EPYC: variants seen among roughly 807,000 people sequenced by gnomAD.
The protein encoded by EPYC is epiphycan, also known as dermatan sulfate proteoglycan 3.
A neutral mutation model predicts 30.1 loss-of-function variants in EPYC; 28 were observed. The observed-to-expected ratio is 0.93, with a 90% CI of 0.69 to 1.28. The LOEUF is 1.28. Ranked by LOEUF, EPYC falls within the 50% of genes most tolerant of loss-of-function variation. The pLI is 0.00. For synonymous variants in EPYC, 144 were observed against 141.4 expected, an observed-to-expected ratio of 1.02 and a Z score of -0.13; for missense variants, 382 against 383.5, an observed-to-expected ratio of 1.00 and a Z score of 0.03.
At position 90,968,801 on chromosome 12, in the gene EPYC, C is replaced by G. The variant is rs933584070; in HGVS notation, c.798+1243G>C. On this transcript the variant is annotated intron_variant, in intron 6 of 6. Coordinates refer to ENST00000261172, the MANE Select transcript of EPYC (RefSeq NM_004950.5). ...AATTGGAAAACACATTCTAAAATCT[C>G]TAAGTACTCCCTTGGAAATCTTTCC... Among the ~76,000 whole-genome samples the G allele has an allele frequency of 5.3e-5, 8 of 152,006 alleles. No homozygotes were observed. The East Asian group carries it at 1.4e-3, about 26-fold the overall frequency.
At chr12:90,981,683 G>A (rs1438982045) in intron 2 of EPYC, among the ~76,000 whole-genome samples, 1 of 151,888 alleles carries the variant, frequency 6.6e-6, no homozygotes, top group East Asian at 1.9e-4. Context: ...TGAAAAACTG[G>A]TGTGTTCAGA....
In EPYC at chr12:91,002,415, C is replaced by G. The variant is rs367913137; in HGVS notation, c.151G>C (p.Val51Leu). The change falls in exon 2 of 7, where the codon GTT (valine) becomes CTT (leucine). Residue 51 changes from valine (V) to leucine (L), a missense_variant. Physicochemically the swap from Val to Leu is conservative, Grantham distance 32 (BLOSUM62 1). Transcript: ENST00000261172. ...DNLYNYENIP[V>L]DKVEIEIATV... ...GGATCGATTACCTCAACTTTATCAA[C>G]AGGTATGTTTTCATAGTTGTACAAA... 5 of 1,611,314 alleles carry G rather than the reference C, an allele frequency of 3.1e-6. No individual in the cohort carries two copies. The African/African-American group carries it at 6.7e-5, about 22-fold the overall frequency.
At chr12:90,975,992 T>A (rs1432667054) in intron 3 of EPYC, among the ~76,000 whole-genome samples, 1 of 152,118 alleles carries the variant, frequency 6.6e-6, no homozygotes, top group African/African-American at 2.4e-5. Flanking sequence ...TTCTTATTTT[T>A]AAAAATGGGT....
Position 90,964,298 on chromosome 12 carries a change from T to C in EPYC, c.827A>G (p.Asp276Gly), listed in dbSNP as rs2120785963. ...QNNNILEMHEDTFCNVKNLTY... is the reference protein window; with the variant it reads ...QNNNILEMHEGTFCNVKNLTY... The stretch of plus-strand genomic sequence containing the variant: ...CAAATTTTTAACATTGCAGAACGTA[T>C]CTTCGTGCATTTCCAGAATGTTGTT... Residue 276 changes from aspartate to glycine, a missense_variant, in exon 7 of 7, where the codon GAT (aspartate) becomes GGT (glycine). Coordinates refer to ENST00000261172, the MANE Select transcript of EPYC (RefSeq NM_004950.5). The C allele has an allele frequency of 1.2e-6, 2 of 1,608,952 alleles. No homozygotes were observed. Among genetic ancestry groups the C allele is most frequent in the East Asian group, 4.5e-5 (2 of 44,798 alleles).
intron 2 of EPYC, among the ~76,000 whole-genome samples, chr12:90,996,141 C>CTT (rs1253729627): frequency 1.3e-5 from 2 of 151,810 alleles, no homozygotes; most frequent in Admixed American, 6.6e-5. Context: ...AATATAAGTA[C>CTT]TTTGTGTTCA....
intron 2 of EPYC, among the ~76,000 whole-genome samples, chr12:90,987,390 G>C (rs530519146): frequency 6.7e-6 from 1 of 149,838 alleles, no homozygotes; most frequent in African/African-American, 2.4e-5. Flanking sequence ...TATACTCTTA[G>C]TCTGTAAGGG....
At chr12:90,997,672 G>A (rs1877725665) in intron 2 of EPYC, among the ~76,000 whole-genome samples, 1 of 151,992 alleles carries the variant, frequency 6.6e-6, no homozygotes, top group African/African-American at 2.4e-5. Context: ...TCCTAGACTA[G>A]TAAATATGTG....
chr12:90,994,166 A>G (rs922461338), intron 2 of EPYC, among the ~76,000 whole-genome samples: 2 of 152,130 alleles, frequency 1.3e-5, no homozygotes, highest in African/African-American at 2.4e-5. Flanking sequence ...TCTCAGCAAA[A>G]GATTGGTAAG....
At position 90,999,742 on chromosome 12, in the gene EPYC, C is replaced by T. The variant is rs115685702; in HGVS notation, c.165+2659G>A. Among the ~76,000 whole-genome samples the T allele has an allele frequency of 3.0e-3, 461 of 152,182 alleles. 4 individuals carry two copies. Among genetic ancestry groups the T allele is most frequent in the African/African-American group, 0.011 (445 of 41,572 alleles). On this transcript the variant is annotated intron_variant, in intron 2 of 6. Coordinates refer to ENST00000261172, the MANE Select transcript of EPYC (RefSeq NM_004950.5). ...TCATGTCATGAGTAACTCTATTAAT[C>T]TATTCACATGACTGGATCTATCATC...
chr12:90,987,247 C>T (rs1225861099), intron 2 of EPYC, among the ~76,000 whole-genome samples: 1 of 151,870 alleles, frequency 6.6e-6, no homozygotes, highest in East Asian at 1.9e-4. Context: ...TTCCAAACCC[C>T]TCCCCAACCA....
At chr12:90,993,823 G>A (rs1877640416) in intron 2 of EPYC, among the ~76,000 whole-genome samples, 1 of 151,772 alleles carries the variant, frequency 6.6e-6, no homozygotes, top group Non-Finnish European at 1.5e-5. Context: ...GTTAATTTGT[G>A]TGCATATTAT....
Position 90,972,932 on chromosome 12 carries a change from C to A in EPYC, c.389G>T (p.Cys130Phe). 1 of 1,612,548 alleles carries A rather than the reference C, an allele frequency of 6.2e-7. No homozygotes were observed. The highest frequency in any genetic ancestry group is 8.5e-7 in the Non-Finnish European group (1 of 1,178,718). ...AATAGCATCAAGTTCATGGTCATCA[C>A]AGTACACGGTGGTACTTATACAAGT... ...LCTCISTTVY[C>F]DDHELDAIPP... The change falls in exon 4 of 7, where the codon TGT (cysteine) becomes TTT (phenylalanine). Residue 130 changes from cysteine (C) to phenylalanine (F), a missense_variant. Physicochemically the swap from Cys to Phe is radical, Grantham distance 205. Coordinates refer to ENST00000261172, the MANE Select transcript of EPYC (RefSeq NM_004950.5).
intron 2 of EPYC, among the ~76,000 whole-genome samples, chr12:90,985,263 G>T (rs927046187): frequency 8.5e-5 from 13 of 152,228 alleles, no homozygotes; most frequent in African/African-American, 2.9e-4. Context: ...CCATAACTCA[G>T]GGAAAGGAAG....
At chr12:91,000,939 C>A (rs117866268) in intron 2 of EPYC, among the ~76,000 whole-genome samples, 1,625 of 152,086 alleles carry the variant, frequency 0.011, 26 homozygotes, top group East Asian at 0.059. Context: ...TTGTTATCAA[C>A]CATAAATTCT....
chr12:90,969,616 A>G (rs975864347), intron 6 of EPYC, among the ~76,000 whole-genome samples: 2 of 151,614 alleles, frequency 1.3e-5, no homozygotes, highest in African/African-American at 4.8e-5. Context: ...ATTTAATTCA[A>G]TACATAAAAC....
At position 90,964,060 on chromosome 12, in the gene EPYC, ACAATCT is replaced by A; in HGVS notation, c.*90_*95del. 1 of 965,190 alleles carries A rather than the reference ACAATCT, an allele frequency of 1.0e-6. No individual in the cohort carries two copies. The highest frequency in any genetic ancestry group is 2.1e-5 in the South Asian group (1 of 47,912). The allele number at this position is 965,190 out of a possible 1,614,324, so 59.8% of individuals were successfully genotyped here. A position where few individuals can be genotyped will look rare whatever the true frequency, so the allele number is the denominator to read the frequency against. On this transcript the variant is annotated 3_prime_UTR_variant, in exon 7 of 7. Transcript: ENST00000261172. ...ATGTAGTCATATCATCTCTCAGAAC[ACAATCT>A]CAAAGTATCATGCTGAGTTTTGTTT...
rs755125705 is a variant in EPYC at position 90,994,349 on chromosome 12, G to C, written c.165+8052C>G. On this transcript the variant is annotated intron_variant, in intron 2 of 6. Coordinates refer to ENST00000261172, the MANE Select transcript of EPYC (RefSeq NM_004950.5). ...TTTATTAAACATTTGCTATGTACCA[G>C]GTTCTGTATTAAACAGCTAACATGT... is the stretch of plus-strand genomic sequence containing the variant. Among the ~76,000 whole-genome samples, 5 of 152,130 alleles carry C rather than the reference G, an allele frequency of 3.3e-5. No individual in the cohort carries two copies. The South Asian group carries it at 8.3e-4, about 25-fold the overall frequency.
At chr12:91,002,653 A>C in intron 1 of EPYC, 75 bp from the exon 2 acceptor site, 5 of 1,163,318 alleles carry the variant, frequency 4.3e-6, no homozygotes, top group Non-Finnish European at 6.0e-6. Flanking sequence ...TAGAAATGAT[A>C]AATTAGTGTC....
In EPYC at chr12:90,970,162, A is replaced by ATT. The variant is rs1255405529; in HGVS notation, c.703-24_703-23insAA. 3.9e-6 allele frequency: 6 copies of ATT among 1,536,906 alleles called. No homozygotes were observed. In the African/African-American group the frequency reaches 8.4e-5, roughly 22 times the overall value. ...GTCCTGTAAACATTCCAAATGTGGGAACTCAATAAAAACTCAATAAAAACT... is the reference window on the plus strand; with the variant it reads ...GTCCTGTAAACATTCCAAATGTGGGATTACTCAATAAAAACTCAATAAAAACT... On this transcript the variant is annotated intron_variant, in intron 5 of 6. Transcript: ENST00000261172.
Sources: allele counts gnomAD v4.1 joint callset (sites outside exome capture counted in the v4.1 genomes callset), GRCh38; gene constraint gnomAD v4.1.1; transcripts MANE v1.5; gene names NCBI Gene and HGNC (gene_info 2026-07-23, HGNC 2026-07-21).